The following CFAP299 variants were observed in gnomAD, a reference collection of about 807,000 sequenced individuals.
CFAP299 encodes the protein cilia and flagella associated protein 299.
CFAP299 carries 21 observed loss-of-function variants against 27.0 expected under a neutral mutation model. That is an observed-to-expected ratio of 0.78 (90% confidence interval 0.55 to 1.12). CFAP299 has a LOEUF of 1.12. CFAP299 is among the 50% of genes most tolerant of loss of function. CFAP299 has a pLI of 0.00. For missense variants in CFAP299, 310 were observed against 276.6 expected (o/e 1.12, Z -0.86); for synonymous variants, 104 against 98.1 (o/e 1.06, Z -0.36).
chr4:80,388,103 C>G, intron 2 of CFAP299: 1 of 689,044 alleles, frequency 1.5e-6, no homozygotes, highest in Non-Finnish European at 2.7e-6. Flanking sequence ...CTTCACCACA[C>G]CATTCCCACC....
chr4:80,715,572 T>C (rs1316296726), intron 3 of CFAP299, among the ~76,000 whole-genome samples: 2 of 152,092 alleles, frequency 1.3e-5, no homozygotes, highest in Non-Finnish European at 2.9e-5. Context: ...ACACTTTGTG[T>C]TATCAAAGAA....
intron 3 of CFAP299, among the ~76,000 whole-genome samples, chr4:80,717,524 C>T (rs1004753803): frequency 1.3e-5 from 2 of 152,098 alleles, no homozygotes; most frequent in Non-Finnish European, 2.9e-5. Context: ...GTAGAAAAAA[C>T]ATCTAAAGTC....
intron 3 of CFAP299, among the ~76,000 whole-genome samples, chr4:80,752,374 T>A (rs1464626094): frequency 2.0e-5 from 3 of 148,572 alleles, no homozygotes; most frequent in Non-Finnish European, 4.5e-5. Flanking sequence ...TCTTTTATTG[T>A]GTTTCATTGT....
intron 4 of CFAP299, among the ~76,000 whole-genome samples, chr4:80,931,216 G>T (rs1156829167): frequency 2.6e-5 from 4 of 152,092 alleles, no homozygotes; most frequent in East Asian, 3.9e-4. Context: ...CGGGCACTTT[G>T]CTTGGCTCCT....
At chr4:80,930,136 C>G (rs943254420) in intron 4 of CFAP299, among the ~76,000 whole-genome samples, 1 of 152,112 alleles carries the variant, frequency 6.6e-6, no homozygotes, top group Non-Finnish European at 1.5e-5. Flanking sequence ...AAGTTCATCA[C>G]CAATGGCCAT....
intron 3 of CFAP299, among the ~76,000 whole-genome samples, chr4:80,603,412 A>G (rs1010584574): frequency 2.0e-5 from 3 of 152,168 alleles, no homozygotes; most frequent in East Asian, 1.9e-4. Flanking sequence ...ATATGTACAT[A>G]TATGCCTACA....
At chr4:80,900,623 A>T (rs1734840777) in intron 4 of CFAP299, among the ~76,000 whole-genome samples, 1 of 152,128 alleles carries the variant, frequency 6.6e-6, no homozygotes. Context: ...TCTTTCAAAT[A>T]AAAGAGTGGA....
At chr4:80,357,991 C>A (rs1723356091) in intron 1 of CFAP299, among the ~76,000 whole-genome samples, 2 of 152,048 alleles carry the variant, frequency 1.3e-5, no homozygotes, top group Admixed American at 6.5e-5. Context: ...ATAAATTTCC[C>A]TCTTGACACT....
chr4:80,399,123 A>T (rs1725991942), intron 2 of CFAP299, among the ~76,000 whole-genome samples: 1 of 152,220 alleles, frequency 6.6e-6, no homozygotes, highest in Admixed American at 6.5e-5. Context: ...GAGAAATGCA[A>T]ATCAAAACCA....
At chr4:80,836,063 T>G (rs1456313210) in intron 3 of CFAP299, among the ~76,000 whole-genome samples, 1 of 152,230 alleles carries the variant, frequency 6.6e-6, no homozygotes, top group Non-Finnish European at 1.5e-5. Flanking sequence ...ATTTCTCTAT[T>G]TCTGTATCTC....
At chr4:80,958,547 A>G (rs1308411887) in intron 5 of CFAP299, among the ~76,000 whole-genome samples, 1 of 152,182 alleles carries the variant, frequency 6.6e-6, no homozygotes, top group African/African-American at 2.4e-5. Flanking sequence ...CTAAATTTCT[A>G]TGGGTTACAG....
chr4:80,706,766 G>T (rs764319353), intron 3 of CFAP299, among the ~76,000 whole-genome samples: 2 of 151,846 alleles, frequency 1.3e-5, no homozygotes, highest in Non-Finnish European at 2.9e-5. Flanking sequence ...TGGGCTTATG[G>T]TCATCAGTTT....
At chr4:80,458,125 T>C (rs1299628355) in intron 2 of CFAP299, among the ~76,000 whole-genome samples, 1 of 152,024 alleles carries the variant, frequency 6.6e-6, no homozygotes, top group African/African-American at 2.4e-5. Flanking sequence ...AAAGAGAGAC[T>C]CAGGGAAAAA....
intron 3 of CFAP299, among the ~76,000 whole-genome samples, chr4:80,711,935 G>A (rs76234915): frequency 0.074 from 11,265 of 152,220 alleles, 846 homozygotes; most frequent in African/African-American, 0.19. Context: ...TGCAGCTGGA[G>A]TTATCTCAGT....
chr4:80,687,290 A>G (rs1720265245), intron 3 of CFAP299, among the ~76,000 whole-genome samples: 2 of 152,152 alleles, frequency 1.3e-5, no homozygotes, highest in South Asian at 4.1e-4. Flanking sequence ...ACCACTCGTG[A>G]TCTCCTCAGC....
intron 4 of CFAP299, among the ~76,000 whole-genome samples, chr4:80,885,767 A>G (rs1213485734): frequency 6.6e-6 from 1 of 152,188 alleles, no homozygotes; most frequent in African/African-American, 2.4e-5. Context: ...TTCTGACTTC[A>G]GGGGTGACCC....
At chr4:80,593,136 G>A (rs768752733) in intron 3 of CFAP299, among the ~76,000 whole-genome samples, 7 of 152,228 alleles carry the variant, frequency 4.6e-5, no homozygotes, top group Admixed American at 2.0e-4. Flanking sequence ...ATATTGGCAG[G>A]TGCTATTCTT....
intron 4 of CFAP299, among the ~76,000 whole-genome samples, chr4:80,926,848 T>G (rs1365784784): frequency 6.6e-6 from 1 of 152,060 alleles, no homozygotes; most frequent in Non-Finnish European, 1.5e-5. Flanking sequence ...ACATTGAACA[T>G]TTTATTATTT....
At chr4:80,428,821 G>A (rs1275844706) in intron 2 of CFAP299, among the ~76,000 whole-genome samples, 1 of 152,000 alleles carries the variant, frequency 6.6e-6, no homozygotes, top group East Asian at 1.9e-4. Flanking sequence ...TTACAGGCGT[G>A]AGCCACCACA....
Sources: gnomAD v4.1 joint callset for allele counts (sites outside exome capture counted in the v4.1 genomes callset) on GRCh38, gnomAD v4.1.1 for gene constraint, MANE v1.5 for transcripts, NCBI Gene and HGNC (gene_info 2026-07-23, HGNC 2026-07-21) for gene names.